Variants in TAFA5 observed in about 807,000 individuals in gnomAD.
The protein encoded by TAFA5 is TAFA chemokine like family member 5.
TAFA5 carries 6 observed loss-of-function variants against 15.3 expected under a neutral mutation model. That is an observed-to-expected ratio of 0.39 (90% CI 0.21 to 0.77). The LOEUF is 0.77. Ranked by LOEUF, TAFA5 falls within the 30% of genes least tolerant of loss-of-function variation. TAFA5 has a pLI of 0.41. For missense variants in TAFA5, 161 were observed against 193.1 expected, an observed-to-expected ratio of 0.83 and a Z score of 0.98; for synonymous variants, 103 against 80.7, an observed-to-expected ratio of 1.28 and a Z score of -1.48.
At chr22:48,723,436 G>A (rs996805230) in intron 3 of TAFA5, among the ~76,000 whole-genome samples, 5 of 152,068 alleles carry the variant, frequency 3.3e-5, no homozygotes, top group Admixed American at 1.3e-4. Context: ...CGGCGTCTTC[G>A]TCACTGCGGC....
chr22:48,583,628 C>A (rs1314358952), intron 1 of TAFA5, among the ~76,000 whole-genome samples: 1 of 150,160 alleles, frequency 6.7e-6, no homozygotes, highest in Non-Finnish European at 1.5e-5. Flanking sequence ...ACGAAATACA[C>A]CATACACAAA....
At chr22:48,625,773 A>G (rs1023399042) in intron 1 of TAFA5, among the ~76,000 whole-genome samples, 1 of 152,204 alleles carries the variant, frequency 6.6e-6, no homozygotes, top group Non-Finnish European at 1.5e-5. Context: ...CAAATGCATG[A>G]CGCTGTGTGT....
chr22:48,614,380 G>A (rs1569048281), intron 1 of TAFA5, among the ~76,000 whole-genome samples: 2 of 152,204 alleles, frequency 1.3e-5, no homozygotes, highest in Non-Finnish European at 2.9e-5. Flanking sequence ...ATACACAGAC[G>A]TTTACCCATT....
At position 48,701,932 on chromosome 22, in the gene TAFA5, T is replaced by TG. The variant is rs1651633888; in HGVS notation, c.263-5779dup. 3.9e-5 allele frequency among the ~76,000 whole-genome samples: 6 copies of TG among 152,210 alleles called. No individual in the cohort carries two copies. In the South Asian group the frequency reaches 1.0e-3, roughly 26 times the overall value. On this transcript the variant is annotated intron_variant, in intron 2 of 3. Coordinates refer to ENST00000402357, the MANE Select transcript of TAFA5 (RefSeq NM_001082967.3). ...GCAGCGGCTGCGTCATCCCGGGGAC[T>TG]GGGGGGCCTTGGAGCGGGAGCTGGC...
At chr22:48,716,397 C>A (rs1200496524) in intron 3 of TAFA5, among the ~76,000 whole-genome samples, 1 of 152,170 alleles carries the variant, frequency 6.6e-6, no homozygotes, top group Non-Finnish European at 1.5e-5. Context: ...AAACCATCAT[C>A]CTCAGCAAAC....
intron 1 of TAFA5, among the ~76,000 whole-genome samples, chr22:48,640,051 G>A (rs1166502352): frequency 2.6e-5 from 4 of 152,190 alleles, no homozygotes; most frequent in East Asian, 1.9e-4. Flanking sequence ...TGTGGAGGGC[G>A]TGCTGCAGCC....
At chr22:48,683,663 A>G (rs763380148) in intron 2 of TAFA5, among the ~76,000 whole-genome samples, 12 of 152,238 alleles carry the variant, frequency 7.9e-5, no homozygotes, top group Non-Finnish European at 1.6e-4. Context: ...TTTCTATCAC[A>G]GAACTGTTTT....
At chr22:48,582,926 CCACACACGA>C (rs1194303051) in intron 1 of TAFA5, among the ~76,000 whole-genome samples, 3 of 144,374 alleles carry the variant, frequency 2.1e-5, no homozygotes, top group African/African-American at 7.8e-5. Context: ...ACCACACACG[CCACACACGA>C]AATACACCAC....
chr22:48,586,847 G>A (rs896257070), intron 1 of TAFA5, among the ~76,000 whole-genome samples: 15 of 152,254 alleles, frequency 9.9e-5, no homozygotes, highest in African/African-American at 3.6e-4. Context: ...ACTGTTGCAG[G>A]AGGCAGGGAG....
intron 1 of TAFA5, among the ~76,000 whole-genome samples, chr22:48,626,046 A>G (rs1002907445): frequency 2.6e-5 from 4 of 152,190 alleles, no homozygotes; most frequent in African/African-American, 9.7e-5. Flanking sequence ...TCCCCGAGTA[A>G]GATTCCACTT....
chr22:48,547,800 G>T (rs904641161), intron 1 of TAFA5, among the ~76,000 whole-genome samples: 1 of 152,170 alleles, frequency 6.6e-6, no homozygotes, highest in Non-Finnish European at 1.5e-5. Flanking sequence ...CAGTGTCTCC[G>T]TCTCTCTCCA....
intron 3 of TAFA5, among the ~76,000 whole-genome samples, chr22:48,708,817 G>A (rs190475671): frequency 3.9e-5 from 6 of 152,338 alleles, no homozygotes; most frequent in Admixed American, 1.3e-4. Flanking sequence ...CACAGGGAGA[G>A]GGGGCTGCAG....
At chr22:48,649,751 C>T (rs1029344196) in intron 2 of TAFA5, among the ~76,000 whole-genome samples, 2 of 152,156 alleles carry the variant, frequency 1.3e-5, no homozygotes, top group Non-Finnish European at 2.9e-5. Context: ...CTCGGGGACA[C>T]TGATGCGTCT....
At chr22:48,731,209 G>A (rs535971173) in intron 3 of TAFA5, among the ~76,000 whole-genome samples, 3 of 152,202 alleles carry the variant, frequency 2.0e-5, no homozygotes, top group Non-Finnish European at 4.4e-5. Context: ...TGAGAGAAGG[G>A]AGGAGGCTGC....
intron 2 of TAFA5, among the ~76,000 whole-genome samples, chr22:48,652,666 C>A (rs566637965): frequency 6.6e-6 from 1 of 152,182 alleles, no homozygotes; most frequent in Non-Finnish European, 1.5e-5. Context: ...CCCAGACCCC[C>A]ACGTGGAGCA....
At chr22:48,571,001 G>A (rs1196859797) in intron 1 of TAFA5, among the ~76,000 whole-genome samples, 2 of 152,108 alleles carry the variant, frequency 1.3e-5, no homozygotes, top group African/African-American at 4.8e-5. Flanking sequence ...ATATCTCCAA[G>A]TACATTCCCT....
chr22:48,608,634 A>G (rs1925284844), intron 1 of TAFA5, among the ~76,000 whole-genome samples: 1 of 152,156 alleles, frequency 6.6e-6, no homozygotes, highest in African/African-American at 2.4e-5. Context: ...AGCATTTTAG[A>G]GAATCCTCTT....
At position 48,527,792 on chromosome 22, in the gene TAFA5, C is replaced by T. The variant is rs555964741; in HGVS notation, c.112+38088C>T. Reference sequence around the variant, plus strand: ...TTGAGGGGAGCAGCTGTGGGTCCGGCGATGGTGGCCGGGAGGTCAGAGGGA... The same window carrying T: ...TTGAGGGGAGCAGCTGTGGGTCCGGTGATGGTGGCCGGGAGGTCAGAGGGA... On this transcript the variant is annotated intron_variant, in intron 1 of 3. Transcript: ENST00000402357. Among the ~76,000 whole-genome samples, 70 of 152,258 alleles carry T rather than the reference C, an allele frequency of 4.6e-4. 1 individual carries two copies. Among genetic ancestry groups the T allele is most frequent in the East Asian group, 3.9e-4 (2 of 5,160 alleles).
chr22:48,515,558 G>C (rs920462880), intron 1 of TAFA5, among the ~76,000 whole-genome samples: 2 of 151,984 alleles, frequency 1.3e-5, no homozygotes, highest in African/African-American at 4.8e-5. Flanking sequence ...CCATCTGCTC[G>C]TCTGCTCTCC....
Sources: gnomAD v4.1 joint callset for allele counts (sites outside exome capture counted in the v4.1 genomes callset) on GRCh38, gnomAD v4.1.1 for gene constraint, MANE v1.5 for transcripts, NCBI Gene and HGNC (gene_info 2026-07-23, HGNC 2026-07-21) for gene names.